PARVA: variants seen among roughly 807,000 people sequenced by gnomAD.
PARVA encodes alpha-parvin.
A neutral mutation model predicts 52.6 loss-of-function variants in PARVA; 25 were observed. That is an observed-to-expected ratio of 0.48 (90% CI 0.35 to 0.66). The LOEUF (loss-of-function observed/expected upper bound fraction) is 0.66, where lower values mean the gene tolerates loss of function less well. Ranked by LOEUF, PARVA falls within the 30% of genes least tolerant of loss-of-function variation. The pLI is 0.01. For synonymous variants in PARVA, 185 were observed against 179.1 expected, an observed-to-expected ratio of 1.03 and a Z score of -0.26; for missense variants, 373 against 450.9, an observed-to-expected ratio of 0.83 and a Z score of 1.56.
At chr11:12,478,308 G>A (rs1941042553) in intron 4 of PARVA, 3 of 363,896 alleles carry the variant, frequency 8.2e-6, no homozygotes, top group African/African-American at 2.1e-5. Flanking sequence ...GCATGGGCCT[G>A]AGTATGCATT....
At chr11:12,403,762 T>G (rs1325497441) in intron 1 of PARVA, among the ~76,000 whole-genome samples, 1 of 152,244 alleles carries the variant, frequency 6.6e-6, no homozygotes, top group African/African-American at 2.4e-5. Flanking sequence ...TTTCAAACTT[T>G]CAGCTGACCT....
intron 12 of PARVA, among the ~76,000 whole-genome samples, chr11:12,523,043 A>T (rs1054826179): frequency 6.6e-6 from 1 of 152,182 alleles, no homozygotes; most frequent in African/African-American, 2.4e-5. Flanking sequence ...TTCATTTTCA[A>T]ATATTTAAAA....
At chr11:12,418,793 A>G (rs1940105946) in intron 1 of PARVA, among the ~76,000 whole-genome samples, 1 of 152,236 alleles carries the variant, frequency 6.6e-6, no homozygotes, top group Non-Finnish European at 1.5e-5. Context: ...AAATGCCACA[A>G]CATAGGAAAG....
chr11:12,409,365 C>A (rs1417969877), intron 1 of PARVA, among the ~76,000 whole-genome samples: 1 of 152,172 alleles, frequency 6.6e-6, no homozygotes, highest in Non-Finnish European at 1.5e-5. Flanking sequence ...CCGAAAGTGT[C>A]TATGTCCTAA....
intron 1 of PARVA, among the ~76,000 whole-genome samples, chr11:12,431,111 C>T (rs1317741702): frequency 1.3e-5 from 2 of 152,222 alleles, no homozygotes; most frequent in Non-Finnish European, 2.9e-5. Flanking sequence ...GGCTGACTCA[C>T]AGCAGTTTAT....
chr11:12,409,024 G>A (rs942855915), intron 1 of PARVA, among the ~76,000 whole-genome samples: 2 of 152,238 alleles, frequency 1.3e-5, no homozygotes, highest in Non-Finnish European at 2.9e-5. Context: ...GAGAGGCCGA[G>A]GGGGATGGTG....
intron 8 of PARVA, 30 bp from the exon 9 acceptor site, chr11:12,513,269 T>C (rs2135077941): frequency 1.9e-6 from 3 of 1,609,846 alleles, no homozygotes; most frequent in East Asian, 4.5e-5. Flanking sequence ...TCAGCTCTTG[T>C]GCTCCACATT....
At chr11:12,415,820 G>A (rs1201814490) in intron 1 of PARVA, among the ~76,000 whole-genome samples, 1 of 152,192 alleles carries the variant, frequency 6.6e-6, no homozygotes, top group Admixed American at 6.5e-5. Context: ...ATTTTGCTGA[G>A]TACTTTTTCA....
chr11:12,484,537 GT>G lies in PARVA; in HGVS notation c.400+6589del, dbSNP rs1373441548. On this transcript the variant is annotated intron_variant, in intron 4 of 12. Coordinates refer to ENST00000334956, the MANE Select transcript of PARVA (RefSeq NM_018222.5). The stretch of plus-strand genomic sequence containing the variant: ...TGTGTGTGTGTGTGTGTGTGTGTGT[GT>G]GTGTGTGTGTGGTTTTCTTTTTCCC... 3.0e-5 allele frequency among the ~76,000 whole-genome samples: 4 copies of G among 134,994 alleles called. No homozygotes were observed. In the South Asian group the frequency reaches 7.1e-4, roughly 24 times the overall value. 88.6% of individuals were successfully genotyped at this position (134,994 alleles called of 152,430 possible).
chr11:12,442,256 C>A (rs1335670616), intron 1 of PARVA, among the ~76,000 whole-genome samples: 1 of 152,266 alleles, frequency 6.6e-6, no homozygotes, highest in Non-Finnish European at 1.5e-5. Flanking sequence ...AAACTTCTTA[C>A]CTCTTTTGAG....
At position 12,509,073 on chromosome 11, in the gene PARVA, T is replaced by TG. The variant is rs1249804976; in HGVS notation, c.716+433dup. Among the ~76,000 whole-genome samples, 534 of 139,284 alleles carry TG rather than the reference T, an allele frequency of 3.8e-3. 4 individuals are homozygous for TG. The highest frequency in any genetic ancestry group is 0.015 in the African/African-American group (496 of 33,852). The allele number at this position is 139,284 out of a possible 152,430, so 91.4% of individuals were successfully genotyped here. A position where few individuals can be genotyped will look rare whatever the true frequency, so the allele number is the denominator to read the frequency against. ...CTTAGATTTGTCTTTTGGTTTGGGG[T>TG]GGTTTTTTTTTTTTTTTTTTCATTT... On this transcript the variant is annotated intron_variant, in intron 7 of 12. Coordinates refer to ENST00000334956, the MANE Select transcript of PARVA (RefSeq NM_018222.5).
At chr11:12,469,841 G>A (rs764613610) in intron 1 of PARVA, among the ~76,000 whole-genome samples, 2 of 152,058 alleles carry the variant, frequency 1.3e-5, no homozygotes, top group Non-Finnish European at 2.9e-5. Flanking sequence ...TTCTGACTGG[G>A]GATTCTTCAT....
chr11:12,410,873 A>G (rs369527529), intron 1 of PARVA, among the ~76,000 whole-genome samples: 86 of 152,360 alleles, frequency 5.6e-4, no homozygotes, highest in African/African-American at 2.0e-3. Context: ...GGACTCTGGC[A>G]TCAGACAGAC....
intron 10 of PARVA, among the ~76,000 whole-genome samples, chr11:12,514,817 C>A (rs1334598374): frequency 6.6e-6 from 1 of 152,242 alleles, no homozygotes; most frequent in Non-Finnish European, 1.5e-5. Flanking sequence ...ATGGCAACAT[C>A]ATGTGGTTAG....
chr11:12,463,573 G>A lies in PARVA; in HGVS notation c.137-10172G>A, dbSNP rs545378775. 2.0e-5 allele frequency among the ~76,000 whole-genome samples: 3 copies of A among 152,242 alleles called. No individual in the cohort carries two copies. The East Asian group carries it at 5.8e-4, about 29-fold the overall frequency. On this transcript the variant is annotated intron_variant, in intron 1 of 12. Transcript: ENST00000334956. ...AACATGGTTTATGACTGTGGATATT[G>A]GTCTTGTTTTCCTGGCTGAGGTGGT... is the stretch of plus-strand genomic sequence containing the variant.
chr11:12,389,814 C>G (rs138374215), intron 1 of PARVA, among the ~76,000 whole-genome samples: 2 of 152,170 alleles, frequency 1.3e-5, no homozygotes, highest in South Asian at 2.1e-4. Flanking sequence ...AGTTAGAGCA[C>G]GTCATTATCA....
chr11:12,438,280 T>C (rs992427659), intron 1 of PARVA, among the ~76,000 whole-genome samples: 2 of 148,638 alleles, frequency 1.3e-5, no homozygotes, highest in Admixed American at 1.3e-4. Context: ...AAAAAAAGAA[T>C]ACCATACATA....
chr11:12,520,767 T>C (rs571088096), intron 12 of PARVA, among the ~76,000 whole-genome samples: 1 of 151,736 alleles, frequency 6.6e-6, no homozygotes, highest in African/African-American at 2.4e-5. Context: ...CTGGGCAACA[T>C]AGTGAGACCC....
chr11:12,502,915 G>A (rs1186047936), intron 5 of PARVA, among the ~76,000 whole-genome samples: 3 of 151,964 alleles, frequency 2.0e-5, no homozygotes, highest in Non-Finnish European at 2.9e-5. Context: ...AGAGGCCTTC[G>A]GTGGCCTACC....
Sources: gnomAD v4.1 joint callset for allele counts (sites outside exome capture counted in the v4.1 genomes callset) on GRCh38, gnomAD v4.1.1 for gene constraint, MANE v1.5 for transcripts, NCBI Gene and HGNC (gene_info 2026-07-23, HGNC 2026-07-21) for gene names.